The following INO80 variants were observed in gnomAD, a reference collection of about 807,000 sequenced individuals.
INO80 encodes INO80 complex ATPase subunit.
INO80 carries 20 observed loss-of-function variants against 203.4 expected under a neutral mutation model. That is an observed-to-expected ratio of 0.10 (90% confidence interval 0.07 to 0.14). INO80 has a LOEUF of 0.14. INO80 is among the 10% of genes least tolerant of loss of function. The pLI is 1.00. For synonymous variants in INO80, 726 were observed against 685.2 expected (o/e 1.06, Z -0.93); for missense variants, 1,419 against 1,914.4 (o/e 0.74, Z 4.83).
At chr15:41,000,128 G>A (rs2043939436) in intron 28 of INO80, among the ~76,000 whole-genome samples, 2 of 152,120 alleles carry the variant, frequency 1.3e-5, no homozygotes, top group African/African-American at 2.4e-5. Flanking sequence ...TCCCACTTCC[G>A]CACTGAGAAG....
At chr15:41,110,372 T>A (rs2140712849) in intron 1 of INO80, among the ~76,000 whole-genome samples, 1 of 152,016 alleles carries the variant, frequency 6.6e-6, no homozygotes. Context: ...CTCGATCTCT[T>A]GACGTCATGA....
intron 7 of INO80, among the ~76,000 whole-genome samples, chr15:41,084,810 G>A (rs868344258): frequency 6.6e-6 from 1 of 152,172 alleles, no homozygotes; most frequent in South Asian, 2.1e-4. Flanking sequence ...TGCGATCTCA[G>A]CTCGCTGCAG....
chr15:40,984,526 T>G (rs1184663538), intron 32 of INO80, among the ~76,000 whole-genome samples, 174 bp from the exon 33 acceptor site: 1 of 151,914 alleles, frequency 6.6e-6, no homozygotes, highest in East Asian at 1.9e-4. Flanking sequence ...TTAACAGGAG[T>G]TTGTGTGTAT....
intron 9 of INO80, among the ~76,000 whole-genome samples, chr15:41,075,428 T>C (rs2045388217): frequency 6.6e-6 from 1 of 151,926 alleles, no homozygotes; most frequent in Non-Finnish European, 1.5e-5. Context: ...TCCACCACAA[T>C]GCCTGGCTAA....
At chr15:41,106,707 A>G (rs1483624117) in intron 1 of INO80, among the ~76,000 whole-genome samples, 2 of 152,204 alleles carry the variant, frequency 1.3e-5, no homozygotes, top group Non-Finnish European at 1.5e-5. Flanking sequence ...GCTGACAATG[A>G]ATGGAAATAT....
Position 41,003,319 on chromosome 15 carries a change from TTTTTC to T in INO80, c.3497+2269_3497+2273del, listed in dbSNP as rs1360453184. Among the ~76,000 whole-genome samples, 4 of 72,052 alleles carry T rather than the reference TTTTTC, an allele frequency of 5.6e-5. No individual in the cohort carries two copies. The South Asian group carries it at 2.1e-3, about 38-fold the overall frequency. 47.3% of individuals were successfully genotyped at this position (72,052 alleles called of 152,430 possible). On this transcript the variant is annotated intron_variant, in intron 28 of 35. Transcript: ENST00000648947. Reference sequence around the variant, plus strand: ...TTAAAAGTAGTGGGATTGTGGGTGATTTTTCTTTTCTTTTCTTTTTTTTTTTTTTG... The same window carrying T: ...TTAAAAGTAGTGGGATTGTGGGTGATTTTTCTTTTCTTTTTTTTTTTTTTG...
chr15:41,045,104 T>C lies in INO80; in HGVS notation c.2736-29A>G, dbSNP rs373899695. On this transcript the variant is annotated intron_variant, in intron 23 of 35. Coordinates refer to ENST00000648947, the MANE Select transcript of INO80 (RefSeq NM_017553.3). The stretch of plus-strand genomic sequence containing the variant: ...AAACAAACCACAGCAGACACGCTTA[T>C]TCAGTGCTCCATGGAGGTTTGAGGG... 5 of 1,566,798 alleles carry C rather than the reference T, an allele frequency of 3.2e-6. No homozygotes were observed. In the African/African-American group the frequency reaches 5.5e-5, roughly 17 times the overall value.
rs538782017 is a variant in INO80 at position 41,048,209 on chromosome 15, T to C, written c.2641+3A>G. The C allele has an allele frequency of 1.2e-6, 2 of 1,610,710 alleles. No individual in the cohort carries two copies. The highest frequency in any genetic ancestry group is 2.2e-5 in the East Asian group (1 of 44,790). On this transcript the variant is annotated splice_donor_region_variant and intron_variant, in intron 22 of 35. Coordinates refer to ENST00000648947, the MANE Select transcript of INO80 (RefSeq NM_017553.3). ...CTACTTTCCCAAAGATCAAAACACCTACCTTTTCTGTGAAAGAGAGACCGT... is the reference window on the plus strand; with the variant it reads ...CTACTTTCCCAAAGATCAAAACACCCACCTTTTCTGTGAAAGAGAGACCGT...
rs2044983181 is a variant in INO80, at chr15:41,056,242, A to G, written c.2070+380T>C. 1.3e-5 allele frequency among the ~76,000 whole-genome samples: 2 copies of G among 152,106 alleles called. 1 individual carries two copies. Among genetic ancestry groups the G allele is most frequent in the Admixed American group, 1.3e-4 (2 of 15,262 alleles). On this transcript the variant is annotated intron_variant, in intron 17 of 35. Coordinates refer to ENST00000648947, the MANE Select transcript of INO80 (RefSeq NM_017553.3). ...ATTACAGGCATGAGCAGCTGCACGC[A>G]GCCTCTATAAGGATTTCTGACCCTT...
At chr15:41,110,297 A>C (rs2045940687) in intron 1 of INO80, among the ~76,000 whole-genome samples, 1 of 151,654 alleles carries the variant, frequency 6.6e-6, no homozygotes, top group Non-Finnish European at 1.5e-5. Context: ...GGCACGTGCC[A>C]GCACACTCAC....
chr15:41,026,942 T>C (rs1431250100), intron 25 of INO80, among the ~76,000 whole-genome samples: 5 of 152,196 alleles, frequency 3.3e-5, no homozygotes, highest in Admixed American at 3.3e-4. Context: ...AACAGGGTAT[T>C]AGGAAGGATG....
At chr15:41,040,093 C>A (rs2044644594) in intron 24 of INO80, among the ~76,000 whole-genome samples, 1 of 152,078 alleles carries the variant, frequency 6.6e-6, no homozygotes, top group South Asian at 2.1e-4. Flanking sequence ...ACTGTGATCG[C>A]AGCACTTTGG....
intron 25 of INO80, 143 bp downstream of exon 25, chr15:41,027,453 C>A: frequency 1.5e-6 from 1 of 684,664 alleles, no homozygotes; most frequent in Non-Finnish European, 2.3e-6. Context: ...TCACAAATGC[C>A]CACATTTTAA....
chr15:40,983,094 GC>G lies in INO80; in HGVS notation c.4238-18del. The stretch of plus-strand genomic sequence containing the variant: ...TGGAAATTCCTGTGGGAACAAATGG[GC>G]CAAAAGGGAAAGAAAAAAAAAAAAA... On this transcript the variant is annotated intron_variant, in intron 34 of 35. Coordinates refer to ENST00000648947, the MANE Select transcript of INO80 (RefSeq NM_017553.3). The G allele has an allele frequency of 1.3e-6, 2 of 1,584,448 alleles. No homozygotes were observed. The highest frequency in any genetic ancestry group is 1.8e-5 in the Admixed American group (1 of 56,888).
chr15:41,044,889 C>T lies in INO80; in HGVS notation c.2907+15G>A. On this transcript the variant is annotated intron_variant, in intron 24 of 35. Transcript: ENST00000648947. ...AGATACTAAGTAGGTAATTTATGCT[C>T]AAATAATTGCTTACCTTTAACAAAG... 6.3e-7 allele frequency: 1 copy of T among 1,582,526 alleles called. No individual in the cohort carries two copies. The highest frequency in any genetic ancestry group is 2.2e-5 in the East Asian group (1 of 44,606).
At chr15:41,081,230 C>T (rs924979151) in intron 7 of INO80, among the ~76,000 whole-genome samples, 157 bp from the exon 8 acceptor site, 4 of 152,212 alleles carry the variant, frequency 2.6e-5, no homozygotes, top group Middle Eastern at 3.4e-3. Context: ...ATTGTCTCAA[C>T]GCCATACATA....
intron 23 of INO80, among the ~76,000 whole-genome samples, chr15:41,047,189 T>G (rs1415786167): frequency 6.6e-6 from 1 of 152,172 alleles, no homozygotes; most frequent in African/African-American, 2.4e-5. Context: ...GGTCTTGAAC[T>G]GCCGACCTCA....
intron 26 of INO80, among the ~76,000 whole-genome samples, chr15:41,016,453 C>T (rs1268356249): frequency 6.6e-6 from 1 of 152,240 alleles, no homozygotes; most frequent in Non-Finnish European, 1.5e-5. Flanking sequence ...CCCAATCAGA[C>T]ATGTGCTCTT....
rs1327032809 is a variant in INO80, at chr15:40,984,644, A to G, written c.3922-292T>C. Among the ~76,000 whole-genome samples, 3 of 152,024 alleles carry G rather than the reference A, an allele frequency of 2.0e-5. No homozygotes were observed. The East Asian group carries it at 5.8e-4, about 29-fold the overall frequency. On this transcript the variant is annotated intron_variant, in intron 32 of 35. Transcript: ENST00000648947. ...CCCCAGCTCAAAAGAAAAAAAAAAA[A>G]AAGAGCTTATGAATATCTGCCACAA...
Sources: gnomAD v4.1 joint callset for allele counts (sites outside exome capture counted in the v4.1 genomes callset) on GRCh38, gnomAD v4.1.1 for gene constraint, MANE v1.5 for transcripts, NCBI Gene and HGNC (gene_info 2026-07-23, HGNC 2026-07-21) for gene names.